SLC39A11: variants seen among roughly 807,000 people sequenced by gnomAD.
The protein encoded by SLC39A11 is zinc transporter ZIP11.
SLC39A11 carries 33 observed loss-of-function variants against 36.1 expected under a neutral mutation model. That is an observed-to-expected ratio of 0.91 (90% CI 0.69 to 1.22). SLC39A11 has a LOEUF of 1.22. Ranked by LOEUF, SLC39A11 falls within the 50% of genes most tolerant of loss-of-function variation. The pLI is 0.00. For missense variants in SLC39A11, 432 were observed against 430.3 expected (o/e 1.00, Z -0.03); for synonymous variants, 166 against 170.3 (o/e 0.97, Z 0.20).
intron 4 of SLC39A11, among the ~76,000 whole-genome samples, chr17:73,008,916 G>C (rs1039763557): frequency 6.6e-6 from 1 of 151,868 alleles, no homozygotes; most frequent in African/African-American, 2.4e-5. Flanking sequence ...AATAAAATAG[G>C]CAGGCGTGGC....
At chr17:72,976,809 C>T (rs1431046562) in intron 4 of SLC39A11, among the ~76,000 whole-genome samples, 3 of 150,768 alleles carry the variant, frequency 2.0e-5, no homozygotes, top group African/African-American at 7.3e-5. Context: ...GAGATCGTGC[C>T]ATTGCACTCC....
chr17:72,689,731 C>T (rs1466353999), intron 7 of SLC39A11, among the ~76,000 whole-genome samples: 1 of 152,164 alleles, frequency 6.6e-6, no homozygotes, highest in Non-Finnish European at 1.5e-5. Context: ...ACATGACATG[C>T]CCCAAACAGG....
chr17:72,936,678 C>A (rs552494546), intron 5 of SLC39A11, among the ~76,000 whole-genome samples: 58 of 152,238 alleles, frequency 3.8e-4, no homozygotes, highest in Middle Eastern at 3.4e-3. Context: ...CCCTGGAGAA[C>A]AGCAGTTCCC....
At chr17:72,822,464 C>A (rs546758831) in intron 6 of SLC39A11, among the ~76,000 whole-genome samples, 1 of 150,868 alleles carries the variant, frequency 6.6e-6, no homozygotes, top group East Asian at 1.9e-4. Flanking sequence ...CTTTTGCTCC[C>A]AGCTCTGCAA....
intron 5 of SLC39A11, among the ~76,000 whole-genome samples, chr17:72,946,306 T>C (rs565460695): frequency 1.3e-5 from 2 of 152,334 alleles, no homozygotes; most frequent in African/African-American, 4.8e-5. Context: ...ATTTCCTGGT[T>C]CCATCCCACG....
In SLC39A11 at chr17:72,648,698, G is replaced by T. The variant is rs985783019; in HGVS notation, c.929+105C>A. The T allele has an allele frequency of 1.8e-5, 25 of 1,358,790 alleles. No individual in the cohort carries two copies. The South Asian group carries it at 3.3e-4, about 18-fold the overall frequency. The allele number at this position is 1,358,790 out of a possible 1,614,324, so 84.2% of individuals were successfully genotyped here. On this transcript the variant is annotated intron_variant, in intron 9 of 9. Coordinates refer to ENST00000255559, the MANE Select transcript of SLC39A11 (RefSeq NM_139177.4). Reference sequence around the variant, plus strand: ...GATCTTGGGAAGGGGCAGAGAGGGGGAGGGAATAAGGAAAGGAAAGGCAAA... The same window carrying T: ...GATCTTGGGAAGGGGCAGAGAGGGGTAGGGAATAAGGAAAGGAAAGGCAAA...
chr17:72,894,669 C>A (rs1005285164), intron 5 of SLC39A11, among the ~76,000 whole-genome samples: 129 of 121,228 alleles, frequency 1.1e-3, no homozygotes, highest in Admixed American at 2.2e-3. Flanking sequence ...GACCCTGTCT[C>A]AAAAAAAAAA....
chr17:72,905,329 C>T (rs1024736911), intron 5 of SLC39A11, among the ~76,000 whole-genome samples: 1 of 149,872 alleles, frequency 6.7e-6, no homozygotes, highest in African/African-American at 2.5e-5. Flanking sequence ...GGCACAGTGG[C>T]TCACACCTGT....
intron 3 of SLC39A11, among the ~76,000 whole-genome samples, chr17:73,053,735 T>C (rs1203478536): frequency 6.6e-6 from 1 of 152,138 alleles, no homozygotes; most frequent in African/African-American, 2.4e-5. Context: ...AAAAAAGGGC[T>C]CCAGCCCATG....
intron 5 of SLC39A11, among the ~76,000 whole-genome samples, chr17:72,916,346 G>T (rs1381170281): frequency 6.6e-6 from 1 of 152,140 alleles, no homozygotes; most frequent in Non-Finnish European, 1.5e-5. Context: ...CCTAACTCTT[G>T]CCACACTGGC....
intron 6 of SLC39A11, among the ~76,000 whole-genome samples, chr17:72,791,396 G>A (rs1014906998): frequency 2.0e-5 from 3 of 152,188 alleles, no homozygotes; most frequent in African/African-American, 7.2e-5. Flanking sequence ...AGATTGCAGT[G>A]AGCTGAGATA....
Position 72,946,133 on chromosome 17 carries a change from G to A in SLC39A11, c.430+1619C>T, listed in dbSNP as rs541458473. On this transcript the variant is annotated intron_variant, in intron 5 of 9. Transcript: ENST00000255559. The stretch of plus-strand genomic sequence containing the variant: ...ATGACAAGTTTTACTTGAATACAGT[G>A]CTCTACTGTGTCACCAGACAGTCCT... Among the ~76,000 whole-genome samples, 48 of 152,306 alleles carry A rather than the reference G, an allele frequency of 3.2e-4. No homozygotes were observed. The South Asian group carries it at 5.0e-3, about 16-fold the overall frequency.
chr17:72,671,638 T>C (rs1162921555), intron 7 of SLC39A11, among the ~76,000 whole-genome samples: 1 of 152,140 alleles, frequency 6.6e-6, no homozygotes, highest in East Asian at 1.9e-4. Flanking sequence ...GGAGAATCGT[T>C]TGAACCCAGG....
At chr17:72,903,156 C>T (rs749045846) in intron 5 of SLC39A11, among the ~76,000 whole-genome samples, 1 of 150,882 alleles carries the variant, frequency 6.6e-6, no homozygotes, top group South Asian at 2.1e-4. Flanking sequence ...ATCCCAGCTA[C>T]TTGAGGAACT....
chr17:72,987,995 TA>T (rs1015035889), intron 4 of SLC39A11, among the ~76,000 whole-genome samples: 107 of 152,148 alleles, frequency 7.0e-4, no homozygotes, highest in African/African-American at 2.5e-3. Flanking sequence ...CTCTCTTTTT[TA>T]TTATTTTTGT....
intron 3 of SLC39A11, among the ~76,000 whole-genome samples, chr17:73,065,897 C>A (rs1353299246): frequency 6.6e-6 from 1 of 152,190 alleles, no homozygotes; most frequent in Non-Finnish European, 1.5e-5. Flanking sequence ...GGCTCAGAGG[C>A]AGGACGGAGA....
chr17:73,002,221 G>GA (rs1053578205), intron 4 of SLC39A11, among the ~76,000 whole-genome samples: 9 of 151,678 alleles, frequency 5.9e-5, no homozygotes, highest in East Asian at 1.9e-4. Flanking sequence ...AGTAAAATAT[G>GA]AAAAAAAATG....
chr17:73,045,620 T>C, intron 3 of SLC39A11, among the ~76,000 whole-genome samples: 1 of 152,096 alleles, frequency 6.6e-6, no homozygotes, highest in Middle Eastern at 3.2e-3. Context: ...TTGTTTGAGT[T>C]CAATGTTCCT....
At chr17:73,041,002 C>CAAAAAACA (rs2059092053) in intron 3 of SLC39A11, among the ~76,000 whole-genome samples, 1 of 134,366 alleles carries the variant, frequency 7.4e-6, no homozygotes, top group Non-Finnish European at 1.5e-5. Context: ...AAACAAAAAA[C>CAAAAAACA]AAAAAACAAA....
Sources: allele counts gnomAD v4.1 joint callset (sites outside exome capture counted in the v4.1 genomes callset), GRCh38; gene constraint gnomAD v4.1.1; transcripts MANE v1.5; gene names NCBI Gene and HGNC (gene_info 2026-07-23, HGNC 2026-07-21).